Variants in PATJ observed in about 807,000 individuals in gnomAD.
The protein encoded by PATJ is inaD-like protein.
Under a neutral mutation model 224.9 loss-of-function variants are expected in PATJ, and 190 were observed. That is an observed-to-expected ratio of 0.84 (90% CI 0.75 to 0.95). The LOEUF (loss-of-function observed/expected upper bound fraction) is 0.95. PATJ is among the 40% of genes least tolerant of loss of function. The probability of loss-of-function intolerance (pLI) is 0.00; values close to 1 mark genes in which losing one functional copy is unlikely to be tolerated. For synonymous variants in PATJ, 769 were observed against 820.3 expected, an observed-to-expected ratio of 0.94 and a Z score of 1.07; for missense variants, 2,121 against 2,270.3, an observed-to-expected ratio of 0.93 and a Z score of 1.34.
At chr1:61,883,059 T>C (rs1307823937) in intron 21 of PATJ, among the ~76,000 whole-genome samples, 1 of 152,192 alleles carries the variant, frequency 6.6e-6, no homozygotes, top group East Asian at 1.9e-4. Flanking sequence ...CTGTGCTTAC[T>C]ATATATACAT....
intron 16 of PATJ, 65 bp downstream of exon 16, chr1:61,827,648 G>C: frequency 1.4e-6 from 2 of 1,463,314 alleles, no homozygotes; most frequent in Non-Finnish European, 1.9e-6. Context: ...CCCGAAGACT[G>C]TGCTGCAATA....
At chr1:62,111,668 T>TC (rs1160119063) in intron 34 of PATJ, among the ~76,000 whole-genome samples, 1 of 151,146 alleles carries the variant, frequency 6.6e-6, no homozygotes, top group Non-Finnish European at 1.5e-5. Flanking sequence ...ATGTTCTTTT[T>TC]TTTTTTTTTT....
chr1:61,763,228 C>A, intron 3 of PATJ, 49 bp downstream of exon 3: 2 of 1,069,826 alleles, frequency 1.9e-6, no homozygotes, highest in Non-Finnish European at 2.6e-6. Flanking sequence ...TTAATATATT[C>A]AAACCATCAA....
chr1:61,911,793 A>G (rs1229292599), intron 25 of PATJ, among the ~76,000 whole-genome samples: 1 of 148,272 alleles, frequency 6.7e-6, no homozygotes, highest in Non-Finnish European at 1.5e-5. Context: ...CTTCAGGACA[A>G]GGAACACATG....
chr1:61,958,845 T>A (rs1483014626), intron 27 of PATJ, among the ~76,000 whole-genome samples: 3 of 152,190 alleles, frequency 2.0e-5, no homozygotes, highest in African/African-American at 7.2e-5. Context: ...GAGACTAAAT[T>A]ACCCTTAAAA....
At chr1:61,759,637 ACC>A (rs933906418) in intron 1 of PATJ, among the ~76,000 whole-genome samples, 2 of 152,062 alleles carry the variant, frequency 1.3e-5, no homozygotes, top group Non-Finnish European at 2.9e-5. Flanking sequence ...CGAGCTCCTG[ACC>A]TCAAGTGATC....
At chr1:62,097,213 C>T (rs926860684) in intron 33 of PATJ, among the ~76,000 whole-genome samples, 3 of 152,106 alleles carry the variant, frequency 2.0e-5, no homozygotes, top group Admixed American at 1.3e-4. Flanking sequence ...TCCCAGCATA[C>T]ATTGCTGCCT....
chr1:62,070,395 C>T (rs899125012), intron 31 of PATJ, among the ~76,000 whole-genome samples: 7 of 152,158 alleles, frequency 4.6e-5, no homozygotes, highest in Non-Finnish European at 8.8e-5. Context: ...CTCAAATCCA[C>T]GTGGGTGCAT....
chr1:61,866,668 C>T (rs1328727475), intron 20 of PATJ, among the ~76,000 whole-genome samples: 2 of 152,018 alleles, frequency 1.3e-5, no homozygotes, highest in Admixed American at 6.6e-5. Context: ...TATTGATGCT[C>T]TTCACAATAT....
At chr1:61,941,454 C>G (rs571510414) in intron 27 of PATJ, among the ~76,000 whole-genome samples, 43 of 152,254 alleles carry the variant, frequency 2.8e-4, no homozygotes, top group Non-Finnish European at 5.0e-4. Context: ...AGTTCAAGAC[C>G]AGCCTGGCCA....
intron 37 of PATJ, chr1:62,117,459 ATTAG>A: frequency 7.5e-7 from 1 of 1,327,964 alleles, no homozygotes; most frequent in Non-Finnish European, 9.7e-7. Context: ...TTTTCTCTCT[ATTAG>A]TTCTATATTG....
intron 21 of PATJ, among the ~76,000 whole-genome samples, chr1:61,879,749 G>T (rs1340463821): frequency 6.6e-6 from 1 of 151,270 alleles, no homozygotes; most frequent in Non-Finnish European, 1.5e-5. Context: ...TCCTCCTTTT[G>T]GTGTTCCTCC....
In PATJ at chr1:61,925,579, A is replaced by G. The variant is rs1158102468; in HGVS notation, c.3571-2151A>G. On this transcript the variant is annotated intron_variant, in intron 26 of 43. Transcript: ENST00000642238. Reference sequence around the variant, plus strand: ...CTGTGGGTGCCAAAAAATCATGTAAATGGGCTTAAACAGCTCATGAATTGC... The same window carrying G: ...CTGTGGGTGCCAAAAAATCATGTAAGTGGGCTTAAACAGCTCATGAATTGC... Among the ~76,000 whole-genome samples, 3 of 152,234 alleles carry G rather than the reference A, an allele frequency of 2.0e-5. No homozygotes were observed. The East Asian group carries it at 5.8e-4, about 29-fold the overall frequency.
intron 37 of PATJ, 112 bp downstream of exon 37, chr1:62,117,330 C>G (rs1459542569): frequency 5.4e-6 from 8 of 1,485,386 alleles, no homozygotes; most frequent in African/African-American, 4.2e-5. Context: ...AGCATATTCA[C>G]AGCACCAAGT....
intron 8 of PATJ, among the ~76,000 whole-genome samples, chr1:61,788,387 ATAGT>A (rs1461296313): frequency 1.3e-5 from 2 of 151,952 alleles, no homozygotes; most frequent in Non-Finnish European, 2.9e-5. Context: ...TGTAATAATA[ATAGT>A]TATTATTTTA....
At chr1:61,874,133 T>TC (rs944865345) in intron 20 of PATJ, among the ~76,000 whole-genome samples, 2 of 152,160 alleles carry the variant, frequency 1.3e-5, no homozygotes, top group Non-Finnish European at 2.9e-5. Context: ...AGCTGTGTCC[T>TC]CACAGGGTGG....
intron 27 of PATJ, among the ~76,000 whole-genome samples, chr1:61,962,280 T>C (rs1341185815): frequency 6.6e-6 from 1 of 152,186 alleles, no homozygotes; most frequent in Non-Finnish European, 1.5e-5. Context: ...CTTGTACAGA[T>C]GATACACTCA....
intron 37 of PATJ, among the ~76,000 whole-genome samples, chr1:62,118,304 A>G (rs766883598): frequency 6.6e-6 from 1 of 151,854 alleles, no homozygotes; most frequent in Non-Finnish European, 1.5e-5. Context: ...CCAGACTTAT[A>G]TCAACAAACG....
chr1:62,136,430 GCTTT>G (rs144417586), intron 41 of PATJ, among the ~76,000 whole-genome samples: 4,435 of 151,998 alleles, frequency 0.029, 122 homozygotes, highest in South Asian at 0.15. Flanking sequence ...AAGCAGCTGT[GCTTT>G]CTATTTCAGT....
Sources: gnomAD v4.1 joint callset for allele counts (sites outside exome capture counted in the v4.1 genomes callset) on GRCh38, gnomAD v4.1.1 for gene constraint, MANE v1.5 for transcripts, NCBI Gene and HGNC (gene_info 2026-07-23, HGNC 2026-07-21) for gene names.